Variants in NRXN3 observed in about 807,000 individuals in gnomAD.
NRXN3 encodes neurexin 3.
NRXN3 carries 32 observed loss-of-function variants against 137.6 expected under a neutral mutation model. The observed-to-expected ratio is 0.23, with a 90% CI of 0.18 to 0.31. The LOEUF (loss-of-function observed/expected upper bound fraction) is 0.31, where lower values mean the gene tolerates loss of function less well. Among genes scored for constraint, NRXN3 ranks in the 10% least tolerant of loss-of-function variants. The pLI is 1.00. For synonymous variants in NRXN3, 798 were observed against 784.5 expected, an observed-to-expected ratio of 1.02 and a Z score of -0.29; for missense variants, 1,574 against 2,062.5, an observed-to-expected ratio of 0.76 and a Z score of 4.59.
intron 15 of NRXN3, among the ~76,000 whole-genome samples, chr14:79,360,321 T>C (rs1400470899): frequency 6.6e-6 from 1 of 152,216 alleles, no homozygotes; most frequent in Admixed American, 6.5e-5. Context: ...TTAGTAGTGG[T>C]CTTGAACTCC....
chr14:78,656,280 A>G (rs1393967430), intron 6 of NRXN3, among the ~76,000 whole-genome samples: 1 of 152,180 alleles, frequency 6.6e-6, no homozygotes, highest in Non-Finnish European at 1.5e-5. Context: ...CTTAGTTACA[A>G]TGTGGCTGCT....
At chr14:78,580,435 T>C (rs1001991766) in intron 4 of NRXN3, among the ~76,000 whole-genome samples, 6 of 152,194 alleles carry the variant, frequency 3.9e-5, no homozygotes, top group African/African-American at 1.4e-4. Context: ...TCTGAAGTAT[T>C]CTTGAGTTGG....
At chr14:79,725,419 C>T (rs766120147) in intron 19 of NRXN3, among the ~76,000 whole-genome samples, 6 of 152,124 alleles carry the variant, frequency 3.9e-5, no homozygotes, top group Non-Finnish European at 8.8e-5. Flanking sequence ...GTGTGGTTTC[C>T]CCCTTTCTCT....
chr14:78,932,586 G>T (rs529158977), intron 10 of NRXN3, among the ~76,000 whole-genome samples: 4 of 152,118 alleles, frequency 2.6e-5, no homozygotes, highest in African/African-American at 7.2e-5. Context: ...GCATAAAGCC[G>T]CAGGGAAGTG....
At chr14:78,826,575 C>G (rs1051750771) in intron 10 of NRXN3, among the ~76,000 whole-genome samples, 8 of 152,154 alleles carry the variant, frequency 5.3e-5, no homozygotes, top group African/African-American at 1.9e-4. Context: ...TGGTTGCATA[C>G]CTTTGAATAT....
chr14:79,072,024 TA>T (rs971954240), intron 15 of NRXN3: 1 of 105,740 alleles, frequency 9.5e-6, no homozygotes, highest in Non-Finnish European at 2.4e-5. Flanking sequence ...AATTACTATT[TA>T]TTTTTGATTT....
chr14:79,075,948 A>G (rs2045898276), intron 15 of NRXN3, among the ~76,000 whole-genome samples: 1 of 152,182 alleles, frequency 6.6e-6, no homozygotes, highest in Non-Finnish European at 1.5e-5. Context: ...CTAAGATGTG[A>G]TCAATATGGA....
chr14:78,793,460 A>C (rs968722127), intron 8 of NRXN3, among the ~76,000 whole-genome samples: 4 of 152,194 alleles, frequency 2.6e-5, no homozygotes, highest in African/African-American at 7.2e-5. Flanking sequence ...AATGTTTATG[A>C]GTATGGTTTA....
chr14:78,843,467 G>C (rs1331424183), intron 10 of NRXN3, among the ~76,000 whole-genome samples: 2 of 152,056 alleles, frequency 1.3e-5, no homozygotes, highest in Non-Finnish European at 2.9e-5. Flanking sequence ...CATATTTATT[G>C]AGAAAAAGAA....
chr14:79,785,580 T>G (rs1223487906), intron 19 of NRXN3, among the ~76,000 whole-genome samples: 1 of 152,200 alleles, frequency 6.6e-6, no homozygotes, highest in Non-Finnish European at 1.5e-5. Context: ...ACTCAGAATC[T>G]ATCTCTCTTT....
At chr14:79,126,924 A>G (rs2056606209) in intron 15 of NRXN3, among the ~76,000 whole-genome samples, 1 of 152,190 alleles carries the variant, frequency 6.6e-6, no homozygotes, top group Non-Finnish European at 1.5e-5. Context: ...TCTGTTGGCC[A>G]GTGATGGTGA....
chr14:79,784,614 C>CTTTTTTTT (rs540234381), intron 19 of NRXN3, among the ~76,000 whole-genome samples: 1 of 76,622 alleles, frequency 1.3e-5, no homozygotes, highest in Non-Finnish European at 2.5e-5. Context: ...TGTTGTGTTG[C>CTTTTTTTT]TTTTTTTTTT....
rs202031112 is a variant in NRXN3, at chr14:79,335,660, C to CTA, written c.3263-131551_3263-131550dup. Among the ~76,000 whole-genome samples the CTA allele has an allele frequency of 8.9e-3, 1,346 of 151,856 alleles. 7 individuals are homozygous for CTA. Among genetic ancestry groups the CTA allele is most frequent in the Non-Finnish European group, 0.015 (1,034 of 67,940 alleles). Reference sequence around the variant, plus strand: ...TTAAGGGCTTATACAATGATATATACTATATATATATCATTGTTTGTATGT... The same window carrying CTA: ...TTAAGGGCTTATACAATGATATATACTATATATATATATCATTGTTTGTATGT... On this transcript the variant is annotated intron_variant, in intron 15 of 20. Coordinates refer to ENST00000335750, the MANE Select transcript of NRXN3 (RefSeq NM_001330195.2).
chr14:78,518,111 T>C (rs2096236953), intron 4 of NRXN3, among the ~76,000 whole-genome samples: 1 of 152,146 alleles, frequency 6.6e-6, no homozygotes, highest in African/African-American at 2.4e-5. Flanking sequence ...AACTAAGACA[T>C]GATGCCCTCT....
intron 15 of NRXN3, chr14:79,298,763 A>G (rs1350469348): frequency 1.3e-5 from 2 of 152,186 alleles, no homozygotes; most frequent in African/African-American, 4.8e-5. Context: ...GGTTATGAGA[A>G]CCTATGTTCT....
chr14:79,477,274 G>C (rs1474217840), intron 16 of NRXN3, among the ~76,000 whole-genome samples: 2 of 152,012 alleles, frequency 1.3e-5, no homozygotes, highest in African/African-American at 4.8e-5. Context: ...CGTAATGAAT[G>C]GCATAAGAAA....
chr14:79,318,295 T>G (rs1172088614), intron 15 of NRXN3, among the ~76,000 whole-genome samples: 5 of 152,250 alleles, frequency 3.3e-5, no homozygotes, highest in Non-Finnish European at 7.3e-5. Flanking sequence ...AAGCCCTCGA[T>G]GCATGCAAAG....
At position 79,467,407 on chromosome 14, in the gene NRXN3, G is replaced by T; in HGVS notation, c.3444+5G>T. The T allele has an allele frequency of 6.3e-7, 1 of 1,586,084 alleles. No homozygotes were observed. The highest frequency in any genetic ancestry group is 8.6e-7 in the Non-Finnish European group (1 of 1,158,336). The stretch of plus-strand genomic sequence containing the variant: ...GACTTCCTCCAGCTTCACATAGTGA[G>T]TACAGGGCCTTGGCCTGGATTTTCT... On this transcript the variant is annotated splice_donor_5th_base_variant and intron_variant, in intron 16 of 20. Coordinates refer to ENST00000335750, the MANE Select transcript of NRXN3 (RefSeq NM_001330195.2).
chr14:79,189,740 C>A (rs1379845236), intron 15 of NRXN3, among the ~76,000 whole-genome samples: 1 of 152,116 alleles, frequency 6.6e-6, no homozygotes, highest in African/African-American at 2.4e-5. Flanking sequence ...ACAGTGAAAA[C>A]TGTAAGTCAG....
Sources: gnomAD v4.1 joint callset for allele counts (sites outside exome capture counted in the v4.1 genomes callset) on GRCh38, gnomAD v4.1.1 for gene constraint, MANE v1.5 for transcripts, NCBI Gene and HGNC (gene_info 2026-07-23, HGNC 2026-07-21) for gene names.